Variants in LAMA1 observed in about 807,000 individuals in gnomAD.
LAMA1 encodes the protein laminin subunit alpha-1.
A neutral mutation model predicts 348.7 loss-of-function variants in LAMA1; 219 were observed. That is an observed-to-expected ratio of 0.63 (90% CI 0.56 to 0.70). The LOEUF is 0.70. Ranked by LOEUF, LAMA1 falls within the 30% of genes least tolerant of loss-of-function variation. The probability of loss-of-function intolerance (pLI) is 0.00; values close to 1 mark genes in which losing one functional copy is unlikely to be tolerated. For synonymous variants in LAMA1, 1,487 were observed against 1,491.0 expected (o/e 1.00, Z 0.06); for missense variants, 3,744 against 3,888.0 (o/e 0.96, Z 0.99).
rs767546123 is a variant in LAMA1 at position 7,013,859 on chromosome 18, C to T, written c.3319G>A (p.Gly1107Ser). 26 of 1,611,828 alleles carry T rather than the reference C, an allele frequency of 1.6e-5. No individual in the cohort carries two copies. The highest frequency in any genetic ancestry group is 2.0e-5 in the Non-Finnish European group (23 of 1,178,992). Residue 1107 changes from glycine to serine, a missense_variant, in exon 23 of 63, where the codon GGT (glycine) becomes AGT (serine). Transcript: ENST00000389658. ...GTTTCCTCCACACAGCCGCAGAGAC[C>T]CTGCTCCAGGTTGCAGGCGTCCCCC... is the stretch of plus-strand genomic sequence containing the variant. ...TSGDACNLEQ[G>S]LCGCVEETGA...
At chr18:7,019,855 T>C (rs1230002117) in intron 19 of LAMA1, among the ~76,000 whole-genome samples, 1 of 151,776 alleles carries the variant, frequency 6.6e-6, no homozygotes, top group Non-Finnish European at 1.5e-5. Flanking sequence ...CTAATTTTTG[T>C]ATTTTTAGTA....
chr18:6,955,757 G>A, intron 56 of LAMA1: 1 of 493,148 alleles, frequency 2.0e-6, no homozygotes, highest in Non-Finnish European at 3.8e-6. Context: ...AGGCTTAAGG[G>A]GCAAAGGCCT....
chr18:6,950,729 G>A (rs2057542558), intron 58 of LAMA1, 53 bp downstream of exon 58: 8 of 1,590,316 alleles, frequency 5.0e-6, no homozygotes, highest in Non-Finnish European at 6.9e-6. Context: ...GAACCCGAGT[G>A]ATAGATGGAA....
chr18:7,023,197 A>T lies in LAMA1; in HGVS notation c.2668T>A (p.Tyr890Asn). The change falls in exon 19 of 63, where the codon TAT becomes AAT. Residue 890 changes from tyrosine to asparagine, a missense_variant. Around this residue, in one of 3 missense-constraint regions of LAMA1, gnomAD observed 1,529 missense variants for 1,689.4 expected, o/e 0.91. Transcript: ENST00000389658. ...TTCTTGGCTGTCACAGCGTCCCCAT[A>T]GAACCCGTCAGCACACCTTTCACAG... ...AHCERCADGF[Y>N]GDAVTAKNCR... is the part of the protein sequence containing the mutation. 1 of 1,613,360 alleles carries T rather than the reference A, an allele frequency of 6.2e-7. No homozygotes were observed. Among genetic ancestry groups the T allele is most frequent in the Non-Finnish European group, 8.5e-7 (1 of 1,179,962 alleles).
intron 1 of LAMA1, among the ~76,000 whole-genome samples, chr18:7,112,546 C>T (rs922228781): frequency 6.6e-6 from 1 of 151,852 alleles, no homozygotes; most frequent in African/African-American, 2.4e-5. Context: ...CTTTTTTCTA[C>T]CTATAGTACC....
chr18:7,113,938 G>A (rs911490428), intron 1 of LAMA1, among the ~76,000 whole-genome samples: 6 of 152,036 alleles, frequency 3.9e-5, no homozygotes, highest in East Asian at 3.9e-4. Context: ...TTAGCTGGGC[G>A]TGGTGGCGGG....
chr18:7,042,148 T>C lies in LAMA1; in HGVS notation c.1258A>G (p.Asn420Asp), dbSNP rs566329616. 9.1e-5 allele frequency: 145 copies of C among 1,595,522 alleles called. 2 individuals carry two copies. In the South Asian group the frequency reaches 1.6e-3, roughly 17 times the overall value. ...CAAAAGTGAATCAAGTACTTACCAT[T>C]GTGTAAGTCAGAATGGAGGTCATCC... is the stretch of plus-strand genomic sequence containing the variant. ...IKDDLHSDLH[N>D]GKQPGQCPCK... The change falls in exon 9 of 63, where the codon AAT becomes GAT. Residue 420 changes from asparagine (N) to aspartate (D), a missense_variant. By Grantham distance (23) the Asn-to-Asp change is conservative (BLOSUM62 1). Transcript: ENST00000389658.
intron 17 of LAMA1, among the ~76,000 whole-genome samples, 171 bp downstream of exon 17, chr18:7,025,808 T>C (rs1327205415): frequency 6.6e-6 from 1 of 152,162 alleles, no homozygotes; most frequent in Non-Finnish European, 1.5e-5. Flanking sequence ...AAGCCAAACG[T>C]TGGTTTACAA....
intron 3 of LAMA1, among the ~76,000 whole-genome samples, chr18:7,078,449 A>C (rs2058180068): frequency 6.6e-6 from 1 of 151,562 alleles, no homozygotes; most frequent in Non-Finnish European, 1.5e-5. Context: ...TACAGGCGTG[A>C]GCCACCGCAC....
chr18:7,100,300 A>G (rs977874204), intron 1 of LAMA1, among the ~76,000 whole-genome samples: 4 of 152,146 alleles, frequency 2.6e-5, no homozygotes, highest in African/African-American at 9.7e-5. Context: ...ACAAAATAAT[A>G]CCATGAGATA....
chr18:7,009,091 T>C, intron 27 of LAMA1, 148 bp downstream of exon 27: 1 of 848,760 alleles, frequency 1.2e-6, no homozygotes, highest in Non-Finnish European at 1.9e-6. Flanking sequence ...CATTCCATAA[T>C]GATATTAATA....
intron 47 of LAMA1, among the ~76,000 whole-genome samples, chr18:6,972,697 T>G (rs903135557): frequency 1.3e-5 from 2 of 152,220 alleles, no homozygotes; most frequent in African/African-American, 4.8e-5. Flanking sequence ...TTTTATTTTT[T>G]TATTTTTTTG....
intron 43 of LAMA1, 109 bp from the exon 44 acceptor site, chr18:6,977,990 C>A: frequency 7.5e-7 from 1 of 1,328,192 alleles, no homozygotes; most frequent in Non-Finnish European, 1.1e-6. Context: ...CCCTAACAAT[C>A]AAAGCCATGA....
intron 3 of LAMA1, among the ~76,000 whole-genome samples, chr18:7,069,166 GTT>G (rs1463345404): frequency 6.6e-6 from 1 of 152,206 alleles, no homozygotes; most frequent in Non-Finnish European, 1.5e-5. Flanking sequence ...ATCCTGGACT[GTT>G]TGGCAATCCC....
chr18:7,063,622 G>C (rs892006256), intron 3 of LAMA1, among the ~76,000 whole-genome samples: 1 of 152,158 alleles, frequency 6.6e-6, no homozygotes, highest in African/African-American at 2.4e-5. Context: ...TGGATGAATG[G>C]CTAAACAAAA....
At chr18:7,014,548 A>G (rs1243345070) in intron 22 of LAMA1, among the ~76,000 whole-genome samples, 1 of 150,532 alleles carries the variant, frequency 6.6e-6, no homozygotes, top group Non-Finnish European at 1.5e-5. Context: ...CTTGAGCCCA[A>G]GAGGTCAAGG....
chr18:6,955,696 G>A (rs919282577), intron 56 of LAMA1: 9 of 630,684 alleles, frequency 1.4e-5, no homozygotes, highest in Non-Finnish European at 2.6e-5. Context: ...ATCCCACTCG[G>A]CTTCACTGAA....
At chr18:6,997,279 G>A (rs1267495559) in intron 33 of LAMA1, among the ~76,000 whole-genome samples, 1 of 152,164 alleles carries the variant, frequency 6.6e-6, no homozygotes, top group Non-Finnish European at 1.5e-5. Flanking sequence ...GGCCAGGATG[G>A]TCTCGATCTC....
intron 3 of LAMA1, among the ~76,000 whole-genome samples, chr18:7,060,547 G>A (rs2058098426): frequency 6.6e-6 from 1 of 152,122 alleles, no homozygotes; most frequent in Admixed American, 6.5e-5. Context: ...TAAAATTCAT[G>A]TCTCAGACAA....
Sources: allele counts gnomAD v4.1 joint callset (sites outside exome capture counted in the v4.1 genomes callset), GRCh38; gene constraint gnomAD v4.1.1; regional missense constraint gnomAD v4.1.1; transcripts MANE v1.5; gene names NCBI Gene and HGNC (gene_info 2026-07-23, HGNC 2026-07-21).